Variants in ACOXL observed in about 807,000 individuals in gnomAD.
ACOXL encodes the protein acyl-coenzyme A oxidase-like protein.
ACOXL carries 70 observed loss-of-function variants against 71.9 expected under a neutral mutation model. The observed-to-expected ratio is 0.97, with a 90% CI of 0.80 to 1.19. The LOEUF is 1.19. Ranked by LOEUF, ACOXL falls within the 50% of genes most tolerant of loss-of-function variation. The pLI is 0.00. For synonymous variants in ACOXL, 253 were observed against 281.6 expected (o/e 0.90, Z 1.02); for missense variants, 703 against 736.3 (o/e 0.95, Z 0.52).
intron 10 of ACOXL, among the ~76,000 whole-genome samples, chr2:110,894,273 T>C (rs1298122780): frequency 1.3e-5 from 2 of 151,722 alleles, no homozygotes; most frequent in Non-Finnish European, 2.9e-5. Flanking sequence ...TTTTGTCTTA[T>C]TTTTCCTAGA....
chr2:110,920,801 G>T (rs149105853), intron 11 of ACOXL, among the ~76,000 whole-genome samples: 28 of 152,186 alleles, frequency 1.8e-4, no homozygotes, highest in African/African-American at 6.7e-4. Context: ...TTAATATTGA[G>T]TCTTTCAATA....
chr2:110,997,860 G>A (rs908546795), intron 14 of ACOXL, among the ~76,000 whole-genome samples: 7 of 152,084 alleles, frequency 4.6e-5, no homozygotes, highest in African/African-American at 1.7e-4. Context: ...ACCAGCCTGG[G>A]CAACATGGCA....
At chr2:110,808,874 A>G (rs1276787488) in intron 9 of ACOXL, among the ~76,000 whole-genome samples, 2 of 152,208 alleles carry the variant, frequency 1.3e-5, no homozygotes, top group Non-Finnish European at 2.9e-5. Context: ...CTAGCCTAAA[A>G]GCTCCACGCA....
intron 3 of ACOXL, among the ~76,000 whole-genome samples, chr2:110,788,096 A>G (rs758027540): frequency 6.6e-6 from 1 of 152,228 alleles, no homozygotes; most frequent in Non-Finnish European, 1.5e-5. Context: ...AAAAAGTAGG[A>G]CATAAAAATT....
chr2:110,783,646 C>G (rs1683599209), intron 2 of ACOXL, among the ~76,000 whole-genome samples: 1 of 152,142 alleles, frequency 6.6e-6, no homozygotes, highest in South Asian at 2.1e-4. Flanking sequence ...CACACGTGTG[C>G]ATACAGATGC....
chr2:110,836,451 G>A (rs866921483), intron 9 of ACOXL, among the ~76,000 whole-genome samples: 4 of 151,776 alleles, frequency 2.6e-5, no homozygotes, highest in Non-Finnish European at 5.9e-5. Context: ...CTCTTTGAGT[G>A]GTATTCTGTG....
chr2:110,763,662 A>G (rs1680685149), intron 1 of ACOXL, among the ~76,000 whole-genome samples: 1 of 152,242 alleles, frequency 6.6e-6, no homozygotes, highest in South Asian at 2.1e-4. Context: ...CACCAAAGGC[A>G]TGGTCTATGA....
intron 14 of ACOXL, among the ~76,000 whole-genome samples, chr2:111,001,509 A>G (rs184875045): frequency 3.5e-4 from 54 of 152,368 alleles, no homozygotes; most frequent in African/African-American, 1.3e-3. Context: ...GCCAAGGGTC[A>G]CAGAGAATCA....
intron 3 of ACOXL, among the ~76,000 whole-genome samples, chr2:110,785,525 C>A (rs1683854056): frequency 6.6e-6 from 1 of 151,982 alleles, no homozygotes; most frequent in African/African-American, 2.4e-5. Flanking sequence ...GGCCTCCATT[C>A]CACCCCTGTC....
At chr2:110,880,153 C>CAAAAAA (rs56852121) in intron 10 of ACOXL, among the ~76,000 whole-genome samples, 308 of 83,720 alleles carry the variant, frequency 3.7e-3, no homozygotes, top group Non-Finnish European at 4.2e-3. Context: ...CTGTCACAAA[C>CAAAAAA]AAAAAAAAAA....
Position 111,117,666 on chromosome 2 carries a change from G to T in ACOXL, c.1593G>T (p.Ser531=). 1 of 1,551,762 alleles carries T rather than the reference G, an allele frequency of 6.4e-7. No homozygotes were observed. The highest frequency in any genetic ancestry group is 8.7e-7 in the Non-Finnish European group (1 of 1,147,010). The change falls in exon 18 of 18, where the codon TCG becomes TCT. Residue 531 remains serine (S), a synonymous_variant. Transcript: ENST00000439055. The stretch of plus-strand genomic sequence containing the variant: ...AGGATGATGCCCGGAGGGTGATCTC[G>T]ACCTTTAACATTCCACACACCTACC... The part of the protein sequence containing the change: ...SVKDDARRVI[S]TFNIPHTYLH...
At chr2:110,978,046 G>A (rs2062536028) in intron 12 of ACOXL, among the ~76,000 whole-genome samples, 1 of 152,168 alleles carries the variant, frequency 6.6e-6, no homozygotes, top group African/African-American at 2.4e-5. Flanking sequence ...GTGTTTAGTG[G>A]AGGCCGAAGA....
At position 111,065,018 on chromosome 2, in the gene ACOXL, A is replaced by G. The variant is rs113693902; in HGVS notation, c.1440+15730A>G. Among the ~76,000 whole-genome samples the G allele has an allele frequency of 3.1e-3, 470 of 152,360 alleles. 1 individual carries two copies. The highest frequency in any genetic ancestry group is 5.0e-3 in the Non-Finnish European group (338 of 68,026). On this transcript the variant is annotated intron_variant, in intron 16 of 17. Coordinates refer to ENST00000439055, the MANE Select transcript of ACOXL (RefSeq NM_001142807.4). The stretch of plus-strand genomic sequence containing the variant: ...TATAGACAAACTTATACTGAAATTT[A>G]TATGGAAAGGCAAAGGAACTAGAAT...
chr2:110,987,812 C>T (rs1048871743), intron 13 of ACOXL, among the ~76,000 whole-genome samples: 2 of 152,190 alleles, frequency 1.3e-5, no homozygotes, highest in Non-Finnish European at 2.9e-5. Context: ...ATATGCCACA[C>T]TGTACTTACC....
chr2:111,025,072 T>C (rs1049317943), intron 14 of ACOXL, among the ~76,000 whole-genome samples: 2 of 152,074 alleles, frequency 1.3e-5, no homozygotes, highest in African/African-American at 2.4e-5. Context: ...AGTCAATCCC[T>C]TCCCCATCCC....
chr2:110,808,545 G>A (rs1028125783), intron 9 of ACOXL, among the ~76,000 whole-genome samples: 1 of 152,116 alleles, frequency 6.6e-6, no homozygotes, highest in African/African-American at 2.4e-5. Flanking sequence ...CTGTATCCAG[G>A]ATCCTTCATG....
chr2:110,947,638 C>T (rs2061158170), intron 12 of ACOXL, among the ~76,000 whole-genome samples: 1 of 152,206 alleles, frequency 6.6e-6, no homozygotes, highest in Non-Finnish European at 1.5e-5. Flanking sequence ...CCTCCAGGAC[C>T]CATTAGACAT....
chr2:110,801,453 G>A (rs1221051734), intron 7 of ACOXL, among the ~76,000 whole-genome samples, 199 bp from the exon 8 acceptor site: 1 of 152,166 alleles, frequency 6.6e-6, no homozygotes, highest in Non-Finnish European at 1.5e-5. Context: ...AAGGAGGAAG[G>A]GGCCAGGCTG....
intron 17 of ACOXL, among the ~76,000 whole-genome samples, chr2:111,102,654 A>AG (rs2150054925): frequency 6.6e-6 from 1 of 152,244 alleles, no homozygotes; most frequent in South Asian, 2.1e-4. Context: ...CACAAAAAAA[A>AG]AAGACCTCTC....
Sources: gnomAD v4.1 joint callset for allele counts (sites outside exome capture counted in the v4.1 genomes callset) on GRCh38, gnomAD v4.1.1 for gene constraint, MANE v1.5 for transcripts, NCBI Gene and HGNC (gene_info 2026-07-23, HGNC 2026-07-21) for gene names.